Variants in SUPT3H observed in about 807,000 individuals in gnomAD.
SUPT3H encodes the protein transcription initiation protein SPT3 homolog.
In SUPT3H, 44 loss-of-function variants were observed where a neutral mutation model predicts 44.3. The observed-to-expected ratio is 0.99, with a 90% CI of 0.78 to 1.28. The LOEUF is 1.28. Ranked by LOEUF, SUPT3H falls within the 50% of genes most tolerant of loss-of-function variation. The pLI, the probability that SUPT3H is intolerant of heterozygous loss-of-function variation, is 0.00. For synonymous variants in SUPT3H, 124 were observed against 125.6 expected (o/e 0.99, Z 0.09); for missense variants, 380 against 387.1 (o/e 0.98, Z 0.15).
chr6:45,106,988 G>T (rs1799378869), intron 2 of SUPT3H, among the ~76,000 whole-genome samples: 1 of 152,194 alleles, frequency 6.6e-6, no homozygotes. Context: ...GATGTAATCA[G>T]CTTTGAAAGT....
chr6:45,193,783 C>T (rs1815537214), intron 2 of SUPT3H, among the ~76,000 whole-genome samples: 2 of 152,122 alleles, frequency 1.3e-5, no homozygotes, highest in South Asian at 4.1e-4. Context: ...AGTAGAGTCA[C>T]ACCAGGTTGT....
rs1366600177 is a variant in SUPT3H at position 45,017,250 on chromosome 6, T to C, written c.274-2359A>G. The stretch of plus-strand genomic sequence containing the variant: ...ATTGTAGATTCTGGATATTAGCCCT[T>C]TGTCAGATGAGTAGGTTGTGAAAAT... On this transcript the variant is annotated intron_variant, in intron 4 of 10. Transcript: ENST00000371459. Among the ~76,000 whole-genome samples, 3 of 149,996 alleles carry C rather than the reference T, an allele frequency of 2.0e-5. No individual in the cohort carries two copies. The East Asian group carries it at 5.9e-4, about 29-fold the overall frequency.
At chr6:45,022,585 A>G (rs1785318903) in intron 3 of SUPT3H, among the ~76,000 whole-genome samples, 1 of 151,992 alleles carries the variant, frequency 6.6e-6, no homozygotes, top group African/African-American at 2.4e-5. Context: ...TAGGACTAGC[A>G]TTGGTACCAC....
At chr6:45,285,559 G>A (rs999948857) in intron 2 of SUPT3H, among the ~76,000 whole-genome samples, 1 of 151,976 alleles carries the variant, frequency 6.6e-6, no homozygotes. Flanking sequence ...CCTCTTCAAG[G>A]AGAACTACAA....
At chr6:45,103,339 T>G (rs769749674) in intron 3 of SUPT3H, among the ~76,000 whole-genome samples, 6 of 152,204 alleles carry the variant, frequency 3.9e-5, no homozygotes, top group Admixed American at 1.3e-4. Flanking sequence ...AGAGGATTTC[T>G]CATTATAAGT....
chr6:45,103,732 G>A (rs1417580192), intron 3 of SUPT3H, among the ~76,000 whole-genome samples: 2 of 152,024 alleles, frequency 1.3e-5, no homozygotes, highest in Non-Finnish European at 2.9e-5. Context: ...AAACTTCCAC[G>A]AATTGATACC....
At chr6:45,281,713 T>C (rs980918199) in intron 2 of SUPT3H, among the ~76,000 whole-genome samples, 6 of 152,138 alleles carry the variant, frequency 3.9e-5, no homozygotes, top group Non-Finnish European at 7.3e-5. Context: ...CACACTTAAA[T>C]GTCCCTGTCT....
chr6:45,297,568 C>T (rs866083351), intron 2 of SUPT3H, among the ~76,000 whole-genome samples: 16 of 152,296 alleles, frequency 1.1e-4, no homozygotes, highest in Middle Eastern at 3.4e-3. Flanking sequence ...TATAAATATG[C>T]TAACACATTT....
intron 3 of SUPT3H, among the ~76,000 whole-genome samples, chr6:45,036,858 T>C (rs117845999): frequency 6.6e-6 from 1 of 152,186 alleles, no homozygotes; most frequent in East Asian, 1.9e-4. Flanking sequence ...AGATAGGACA[T>C]AGGGGGTCCC....
chr6:45,198,816 T>A (rs1020629362), intron 2 of SUPT3H, among the ~76,000 whole-genome samples: 1 of 151,278 alleles, frequency 6.6e-6, no homozygotes, highest in African/African-American at 2.4e-5. Flanking sequence ...ATGAAATAGC[T>A]ACCTATTATT....
rs146051310 is a variant in SUPT3H at position 44,858,974 on chromosome 6, A to G, written c.913-29117T>C. On this transcript the variant is annotated intron_variant, in intron 10 of 10. Coordinates refer to ENST00000371459, the MANE Select transcript of SUPT3H (RefSeq NM_003599.4). ...AAAAGAAAAAAAGAATCTGGAATTG[A>G]AAATGATTTAAATTTGCCAGTTCCC... Among the ~76,000 whole-genome samples the G allele has an allele frequency of 2.9e-3, 448 of 152,350 alleles. 6 individuals carry two copies. The highest frequency in any genetic ancestry group is 0.027 in the Admixed American group (415 of 15,304).
intron 2 of SUPT3H, among the ~76,000 whole-genome samples, chr6:45,267,476 G>A (rs1775440267): frequency 6.6e-6 from 1 of 152,122 alleles, no homozygotes; most frequent in African/African-American, 2.4e-5. Context: ...TGTCTGCCAG[G>A]GCAGTAAACT....
At chr6:45,136,194 G>A (rs748648603) in intron 2 of SUPT3H, among the ~76,000 whole-genome samples, 2 of 152,178 alleles carry the variant, frequency 1.3e-5, no homozygotes, top group African/African-American at 2.4e-5. Context: ...CTAAACACAA[G>A]GCTGTAAGAA....
At chr6:45,030,342 C>A (rs975865693) in intron 3 of SUPT3H, among the ~76,000 whole-genome samples, 7 of 152,126 alleles carry the variant, frequency 4.6e-5, no homozygotes, top group Non-Finnish European at 8.8e-5. Flanking sequence ...ATTAATAATG[C>A]CTCTTCTTTC....
At chr6:45,316,804 T>C (rs1008593599) in intron 2 of SUPT3H, among the ~76,000 whole-genome samples, 2 of 152,164 alleles carry the variant, frequency 1.3e-5, no homozygotes, top group African/African-American at 2.4e-5. Flanking sequence ...CCTAACTTTA[T>C]GGATTGAAAG....
At chr6:45,224,878 T>C (rs1265067893) in intron 2 of SUPT3H, among the ~76,000 whole-genome samples, 2 of 152,040 alleles carry the variant, frequency 1.3e-5, no homozygotes, top group Non-Finnish European at 2.9e-5. Flanking sequence ...TATTATAATA[T>C]CTATCATTGC....
chr6:44,974,505 T>C lies in SUPT3H; in HGVS notation c.505-12677A>G, dbSNP rs567729452. Among the ~76,000 whole-genome samples, 15 of 152,318 alleles carry C rather than the reference T, an allele frequency of 9.8e-5. No individual in the cohort carries two copies. In the East Asian group the frequency reaches 2.9e-3, roughly 29 times the overall value. On this transcript the variant is annotated intron_variant, in intron 6 of 10. Coordinates refer to ENST00000371459, the MANE Select transcript of SUPT3H (RefSeq NM_003599.4). Reference sequence around the variant, plus strand: ...CTGCAAAACACAACTTGAAAACTACTGTACTATACACATTGCCGTCCCTTC... The same window carrying C: ...CTGCAAAACACAACTTGAAAACTACCGTACTATACACATTGCCGTCCCTTC...
chr6:45,341,691 G>A (rs1442229913), intron 2 of SUPT3H, among the ~76,000 whole-genome samples: 5 of 152,054 alleles, frequency 3.3e-5, no homozygotes, highest in Non-Finnish European at 7.4e-5. Context: ...AAATAACTAC[G>A]GAATAACAGA....
chr6:45,203,512 T>C (rs1473375288), intron 2 of SUPT3H, among the ~76,000 whole-genome samples: 2 of 152,180 alleles, frequency 1.3e-5, no homozygotes, highest in African/African-American at 4.8e-5. Flanking sequence ...ATTTCACTTC[T>C]CCCTCACTTG....
Sources: gnomAD v4.1 joint callset for allele counts (sites outside exome capture counted in the v4.1 genomes callset) on GRCh38, gnomAD v4.1.1 for gene constraint, MANE v1.5 for transcripts, NCBI Gene and HGNC (gene_info 2026-07-23, HGNC 2026-07-21) for gene names.